MEGF11: variants seen among roughly 807,000 people sequenced by gnomAD.
MEGF11 encodes multiple epidermal growth factor-like domains protein 11.
Under a neutral mutation model 146.6 loss-of-function variants are expected in MEGF11, and 126 were observed. The observed-to-expected ratio is 0.86, with a 90% CI of 0.74 to 1.00. The LOEUF is 1.00. Among genes scored for constraint, MEGF11 ranks in the 50% least tolerant of loss-of-function variants. The probability of loss-of-function intolerance (pLI) is 0.00; values close to 1 mark genes in which losing one functional copy is unlikely to be tolerated. For missense variants in MEGF11, 1,509 were observed against 1,521.2 expected (o/e 0.99, Z 0.13); for synonymous variants, 532 against 583.4 (o/e 0.91, Z 1.27).
At chr15:65,962,827 T>A (rs1285929046) in intron 9 of MEGF11, among the ~76,000 whole-genome samples, 1 of 151,624 alleles carries the variant, frequency 6.6e-6, no homozygotes, top group Non-Finnish European at 1.5e-5. Flanking sequence ...GGCTGGGGAG[T>A]AGACTGGTGG....
intron 1 of MEGF11, among the ~76,000 whole-genome samples, chr15:66,222,968 C>A (rs1041947032): frequency 6.6e-6 from 1 of 152,156 alleles, no homozygotes. Flanking sequence ...ACCATATAAC[C>A]CAGCAATTCC....
chr15:66,166,997 C>T (rs1267135902), intron 1 of MEGF11, among the ~76,000 whole-genome samples: 3 of 152,196 alleles, frequency 2.0e-5, no homozygotes, highest in Non-Finnish European at 4.4e-5. Flanking sequence ...CCTGGACACA[C>T]TCAGCTTGGT....
In MEGF11 at chr15:65,964,854, TCTAC is replaced by T; in HGVS notation, c.1112+50_1112+53del. 3 of 1,480,540 alleles carry T rather than the reference TCTAC, an allele frequency of 2.0e-6. No individual in the cohort carries two copies. In the South Asian group the frequency reaches 3.9e-5, roughly 19 times the overall value. 91.7% of individuals were successfully genotyped at this position (1,480,540 alleles called of 1,614,324 possible). On this transcript the variant is annotated intron_variant, in intron 9 of 25. Transcript: ENST00000395614. ...GGGCCACATCCTAGCAAGCCTCCTC[TCTAC>T]CTGAGCACCCCCCGCCCTTGTCCCG... is the stretch of plus-strand genomic sequence containing the variant.
At chr15:66,105,545 C>A (rs2140807467) in intron 4 of MEGF11, among the ~76,000 whole-genome samples, 1 of 152,342 alleles carries the variant, frequency 6.6e-6, no homozygotes, top group East Asian at 1.9e-4. Flanking sequence ...TTACTATGTG[C>A]TGGCGGGGCA....
At chr15:65,950,144 GCAT>G (rs145886491) in intron 10 of MEGF11, among the ~76,000 whole-genome samples, 1 of 152,060 alleles carries the variant, frequency 6.6e-6, no homozygotes, top group Admixed American at 6.6e-5. Flanking sequence ...AGCAGTAGTG[GCAT>G]CATCATCATC....
At chr15:65,941,680 G>A (rs2079997396) in intron 10 of MEGF11, among the ~76,000 whole-genome samples, 1 of 152,216 alleles carries the variant, frequency 6.6e-6, no homozygotes, top group South Asian at 2.1e-4. Flanking sequence ...ACCGAGTTTA[G>A]AGAAGGCATT....
chr15:66,215,799 G>C (rs1458441200), intron 1 of MEGF11, among the ~76,000 whole-genome samples: 1 of 152,150 alleles, frequency 6.6e-6, no homozygotes, highest in Non-Finnish European at 1.5e-5. Flanking sequence ...AGGGAATGAG[G>C]GACAGAGGAC....
intron 1 of MEGF11, among the ~76,000 whole-genome samples, chr15:66,137,173 A>G (rs1292016675): frequency 2.6e-5 from 4 of 152,276 alleles, no homozygotes; most frequent in Non-Finnish European, 4.4e-5. Context: ...AAAAGTATGG[A>G]AGCCCATACA....
intron 5 of MEGF11, among the ~76,000 whole-genome samples, chr15:66,019,620 C>T (rs183637065): frequency 1.6e-4 from 25 of 152,298 alleles, no homozygotes; most frequent in Non-Finnish European, 3.4e-4. Flanking sequence ...ACCGGCTCCT[C>T]CAGGGGGCCT....
chr15:65,970,392 G>A (rs1277745408), intron 8 of MEGF11, among the ~76,000 whole-genome samples, 161 bp downstream of exon 8: 1 of 152,226 alleles, frequency 6.6e-6, no homozygotes, highest in African/African-American at 2.4e-5. Context: ...CGAGGGTGAG[G>A]AGGGATCAGG....
chr15:66,196,940 C>T (rs981526457), intron 1 of MEGF11, among the ~76,000 whole-genome samples: 2 of 152,128 alleles, frequency 1.3e-5, no homozygotes, highest in Non-Finnish European at 2.9e-5. Context: ...AGATGTACCT[C>T]GTTTATATGA....
At chr15:65,937,410 C>T (rs1253556871) in intron 10 of MEGF11, among the ~76,000 whole-genome samples, 1 of 152,218 alleles carries the variant, frequency 6.6e-6, no homozygotes. Context: ...AATCACCATC[C>T]GGAATTCCTG....
chr15:66,031,321 G>A (rs554514866), intron 5 of MEGF11, among the ~76,000 whole-genome samples: 1 of 152,288 alleles, frequency 6.6e-6, no homozygotes, highest in East Asian at 1.9e-4. Flanking sequence ...ACCCAGTCTG[G>A]TTTCCCTTTG....
rs1323639922 is a variant in MEGF11 at position 65,977,702 on chromosome 15, T to TCTAGGATAACTGGTCCTATTTC, written c.762+3054_762+3075dup. Among the ~76,000 whole-genome samples, 3 of 152,054 alleles carry TCTAGGATAACTGGTCCTATTTC rather than the reference T, an allele frequency of 2.0e-5. No individual in the cohort carries two copies. The East Asian group carries it at 5.8e-4, about 29-fold the overall frequency. On this transcript the variant is annotated intron_variant, in intron 7 of 25. Transcript: ENST00000395614. ...ACCATGCAAAACCTCTCTTTGGCCC[T>TCTAGGATAACTGGTCCTATTTC]CTAGGATAACTGGTCCTATTTCCCA...
intron 1 of MEGF11, among the ~76,000 whole-genome samples, chr15:66,133,591 C>A (rs139107497): frequency 6.6e-6 from 1 of 152,304 alleles, no homozygotes; most frequent in African/African-American, 2.4e-5. Context: ...GCTCTCTCAG[C>A]TGGCTCCCAG....
intron 1 of MEGF11, among the ~76,000 whole-genome samples, chr15:66,157,587 T>C (rs1437875492): frequency 6.6e-6 from 1 of 152,232 alleles, no homozygotes; most frequent in African/African-American, 2.4e-5. Context: ...TCTTCGTCCC[T>C]TTCTCCTGCA....
chr15:66,076,203 AGGATGGATGGAT>A lies in MEGF11; in HGVS notation c.394+18187_394+18198del, dbSNP rs55758771. ...GGGATGAATGGTTGGACTGACAGAC[AGGATGGATGGAT>A]GGATGGATGGATGGATGGATGGATG... On this transcript the variant is annotated intron_variant, in intron 5 of 25. Transcript: ENST00000395614. 7.9e-3 allele frequency among the ~76,000 whole-genome samples: 1,181 copies of A among 148,720 alleles called. 11 individuals carry two copies. Among genetic ancestry groups the A allele is most frequent in the African/African-American group, 0.021 (864 of 40,188 alleles).
intron 5 of MEGF11, among the ~76,000 whole-genome samples, chr15:66,032,174 A>T (rs2083546465): frequency 6.6e-6 from 1 of 152,198 alleles, no homozygotes. Flanking sequence ...AAGGCTGGGG[A>T]TTGCTGCTTT....
Position 65,964,953 on chromosome 15 carries a change from G to A in MEGF11, c.1067C>T (p.Pro356Leu). 1 of 1,574,770 alleles carries A rather than the reference G, an allele frequency of 6.4e-7. No individual in the cohort carries two copies. The highest frequency in any genetic ancestry group is 8.6e-7 in the Non-Finnish European group (1 of 1,160,742). ...ERLCPEGLHG[P>L]GCTLPCPCDA... ...ACAGGGGCAGGGCAGGGTGCAGCCT[G>A]GGCCATGCAGGCCCTCCGGGCACAG... The change falls in exon 9 of 26, where the codon CCA becomes CTA. Residue 356 changes from proline (P) to leucine (L), a missense_variant. Pro to Leu is a moderately conservative substitution (Grantham distance 98). Coordinates refer to ENST00000395614, the MANE Select transcript of MEGF11 (RefSeq NM_001385028.1).
Sources: allele counts gnomAD v4.1 joint callset (sites outside exome capture counted in the v4.1 genomes callset), GRCh38; gene constraint gnomAD v4.1.1; transcripts MANE v1.5; gene names NCBI Gene and HGNC (gene_info 2026-07-23, HGNC 2026-07-21).